The following ELOVL2 variants were observed in gnomAD, a reference collection of about 807,000 sequenced individuals.
ELOVL2 encodes very long chain fatty acid elongase 2.
A neutral mutation model predicts 37.7 loss-of-function variants in ELOVL2; 38 were observed. The observed-to-expected ratio is 1.01, with a 90% CI of 0.78 to 1.32. ELOVL2 has a LOEUF of 1.32. ELOVL2 is among the 40% of genes most tolerant of loss of function. The pLI is 0.00. For synonymous variants in ELOVL2, 115 were observed against 122.3 expected (o/e 0.94, Z 0.40); for missense variants, 352 against 363.6 (o/e 0.97, Z 0.26).
At chr6:11,012,887 A>T (rs1200394225) in intron 1 of ELOVL2, among the ~76,000 whole-genome samples, 1 of 152,248 alleles carries the variant, frequency 6.6e-6, no homozygotes, top group Non-Finnish European at 1.5e-5. Flanking sequence ...AGTAATACAC[A>T]AATAAATAAA....
chr6:11,029,444 T>G (rs185566846), intron 1 of ELOVL2, among the ~76,000 whole-genome samples: 25 of 152,292 alleles, frequency 1.6e-4, no homozygotes, highest in Admixed American at 5.9e-4. Flanking sequence ...TTCATACTTG[T>G]AAAAGCATCT....
intron 6 of ELOVL2, 39 bp from the exon 7 acceptor site, chr6:10,989,876 G>T: frequency 6.2e-7 from 1 of 1,612,838 alleles, no homozygotes; most frequent in South Asian, 1.1e-5. Context: ...GAGCGAGCCA[G>T]GCTGTGCCAC....
intron 4 of ELOVL2, among the ~76,000 whole-genome samples, chr6:10,996,770 G>A (rs1782276032): frequency 6.6e-6 from 1 of 152,194 alleles, no homozygotes; most frequent in Non-Finnish European, 1.5e-5. Flanking sequence ...CTGAGGTAGG[G>A]AGGCCGAGGC....
chr6:11,019,776 C>T (rs1782737880), intron 1 of ELOVL2, among the ~76,000 whole-genome samples: 1 of 150,106 alleles, frequency 6.7e-6, no homozygotes, highest in Non-Finnish European at 1.5e-5. Flanking sequence ...TAGAGTCTCA[C>T]TTCTTTGCCC....
chr6:11,006,501 C>G (rs367968931), intron 2 of ELOVL2, among the ~76,000 whole-genome samples: 18 of 152,158 alleles, frequency 1.2e-4, no homozygotes, highest in African/African-American at 3.9e-4. Flanking sequence ...TGCTTTTAAC[C>G]TCCACAAATG....
intron 5 of ELOVL2, among the ~76,000 whole-genome samples, chr6:10,990,913 T>C (rs1336762192): frequency 6.6e-6 from 1 of 152,124 alleles, no homozygotes. Context: ...CATAATTAAG[T>C]AAATAAATTC....
intron 1 of ELOVL2, chr6:11,043,973 G>C: frequency 3.1e-6 from 1 of 326,372 alleles, no homozygotes; most frequent in East Asian, 4.9e-5. Flanking sequence ...GTGCCGGGGC[G>C]GGACCGGGGA....
At chr6:11,012,152 C>T (rs1782596007) in intron 1 of ELOVL2, among the ~76,000 whole-genome samples, 1 of 152,124 alleles carries the variant, frequency 6.6e-6, no homozygotes, top group Admixed American at 6.5e-5. Flanking sequence ...TCTTCGGGAA[C>T]TTTAGAAAGC....
intron 5 of ELOVL2, among the ~76,000 whole-genome samples, chr6:10,991,639 C>T (rs1044964752): frequency 6.6e-6 from 1 of 151,860 alleles, no homozygotes; most frequent in Non-Finnish European, 1.5e-5. Context: ...AAATAAGAAA[C>T]AAAAGGTACA....
intron 1 of ELOVL2, among the ~76,000 whole-genome samples, chr6:11,023,743 C>G (rs1468692334): frequency 6.6e-6 from 1 of 152,172 alleles, no homozygotes; most frequent in Non-Finnish European, 1.5e-5. Context: ...CTGCCCTTGA[C>G]TGCATCCTCT....
intron 2 of ELOVL2, among the ~76,000 whole-genome samples, chr6:11,007,108 G>A (rs146563255): frequency 8.3e-4 from 126 of 152,284 alleles, no homozygotes; most frequent in African/African-American, 2.7e-3. Context: ...TTATATAGGT[G>A]ATAATATCAT....
At chr6:11,025,505 T>C (rs531356275) in intron 1 of ELOVL2, among the ~76,000 whole-genome samples, 4 of 152,240 alleles carry the variant, frequency 2.6e-5, no homozygotes, top group South Asian at 2.1e-4. Context: ...CATTCAACAA[T>C]TTTTTTGTTC....
intron 1 of ELOVL2, among the ~76,000 whole-genome samples, chr6:11,030,482 CTTTT>C (rs974379366): frequency 5.9e-5 from 9 of 151,692 alleles, no homozygotes; most frequent in Admixed American, 3.3e-4. Flanking sequence ...TGCTTCAAAT[CTTTT>C]TTTTGTTTGT....
At chr6:10,988,307 G>C (rs1337659058) in intron 7 of ELOVL2, among the ~76,000 whole-genome samples, 1 of 152,252 alleles carries the variant, frequency 6.6e-6, no homozygotes, top group Non-Finnish European at 1.5e-5. Flanking sequence ...GTTCACACCT[G>C]TAATCCCAGC....
chr6:11,032,951 G>A (rs1782953829), intron 1 of ELOVL2, among the ~76,000 whole-genome samples: 1 of 152,160 alleles, frequency 6.6e-6, no homozygotes, highest in African/African-American at 2.4e-5. Flanking sequence ...CAAATTAGAG[G>A]TGTAATTATT....
intron 7 of ELOVL2, among the ~76,000 whole-genome samples, chr6:10,985,829 A>G (rs868581151): frequency 0.027 from 4,043 of 152,086 alleles, 176 homozygotes; most frequent in African/African-American, 0.09. Context: ...TTGGCGATGC[A>G]GGCTCTTTTT....
chr6:11,043,005 A>G (rs1009163494), intron 1 of ELOVL2, among the ~76,000 whole-genome samples: 5 of 152,220 alleles, frequency 3.3e-5, no homozygotes, highest in African/African-American at 1.2e-4. Context: ...CAAAATATGC[A>G]GTACGCTAAC....
chr6:11,033,299 C>T (rs1782960533), intron 1 of ELOVL2, among the ~76,000 whole-genome samples: 1 of 152,146 alleles, frequency 6.6e-6, no homozygotes, highest in Non-Finnish European at 1.5e-5. Context: ...GCATTCTTTT[C>T]CTCATTATTT....
At chr6:11,021,683 G>C (rs1300578352) in intron 1 of ELOVL2, among the ~76,000 whole-genome samples, 2 of 152,122 alleles carry the variant, frequency 1.3e-5, no homozygotes, top group Non-Finnish European at 2.9e-5. Context: ...TTTTATTTTA[G>C]ACTTTTAAGA....
Sources: allele counts gnomAD v4.1 joint callset (sites outside exome capture counted in the v4.1 genomes callset), GRCh38; gene constraint gnomAD v4.1.1; transcripts MANE v1.5; gene names NCBI Gene and HGNC (gene_info 2026-07-23, HGNC 2026-07-21).